Variants in MAGI3 observed in about 807,000 individuals in gnomAD.
MAGI3 encodes the protein membrane associated guanylate kinase, WW and PDZ domain containing 3.
A neutral mutation model predicts 121.8 loss-of-function variants in MAGI3; 43 were observed. That is an observed-to-expected ratio of 0.35 (90% CI 0.28 to 0.46). The LOEUF (loss-of-function observed/expected upper bound fraction) is 0.46. Among genes scored for constraint, MAGI3 ranks in the 20% least tolerant of loss-of-function variants. The pLI, the probability that MAGI3 is intolerant of heterozygous loss-of-function variation, is 1.00. For synonymous variants in MAGI3, 553 were observed against 639.3 expected (o/e 0.86, Z 2.04); for missense variants, 1,547 against 1,797.3 (o/e 0.86, Z 2.52).
At chr1:113,404,009 A>G (rs1360755707) in intron 1 of MAGI3, 1 of 151,628 alleles carries the variant, frequency 6.6e-6, no homozygotes, top group Non-Finnish European at 1.5e-5. Context: ...TCTTTTCATA[A>G]TGGCCTGTAG....
intron 1 of MAGI3, among the ~76,000 whole-genome samples, chr1:113,536,273 G>A (rs531701355): frequency 4.0e-5 from 6 of 151,638 alleles, no homozygotes; most frequent in Non-Finnish European, 8.8e-5. Flanking sequence ...AGAGATACAG[G>A]GTTTGCCACT....
At position 113,649,342 on chromosome 1, in the gene MAGI3, C is replaced by T. The variant is rs537611182; in HGVS notation, c.2247+14C>T. ...CCTGACCAGTCTGTAAGTGTCACTTCTTTGGAACATGGCTGTTTCCTGTTC... is the reference window on the plus strand; with the variant it reads ...CCTGACCAGTCTGTAAGTGTCACTTTTTTGGAACATGGCTGTTTCCTGTTC... On this transcript the variant is annotated intron_variant, in intron 13 of 20. Transcript: ENST00000307546. 50 of 1,571,130 alleles carry T rather than the reference C, an allele frequency of 3.2e-5. 2 individuals carry two copies. In the South Asian group the frequency reaches 5.0e-4, roughly 16 times the overall value.
chr1:113,413,891 C>T lies in MAGI3; in HGVS notation c.316+22542C>T, dbSNP rs562807255. On this transcript the variant is annotated intron_variant, in intron 1 of 20. Coordinates refer to ENST00000307546, the MANE Select transcript of MAGI3 (RefSeq NM_001142782.2). ...TTATTTCTTTCTCTTGCCTGATTAT[C>T]CTGGCCAGAACTTCCAACACTATGT... is the stretch of plus-strand genomic sequence containing the variant. 2.6e-5 allele frequency among the ~76,000 whole-genome samples: 4 copies of T among 152,232 alleles called. No homozygotes were observed. The South Asian group carries it at 8.3e-4, about 32-fold the overall frequency.
chr1:113,580,432 G>T, intron 2 of MAGI3, 110 bp from the exon 3 acceptor site: 2 of 894,170 alleles, frequency 2.2e-6, no homozygotes, highest in Non-Finnish European at 3.2e-6. Flanking sequence ...TGGGGCAGGG[G>T]AATGAAACAT....
intron 1 of MAGI3, among the ~76,000 whole-genome samples, chr1:113,409,178 C>CT (rs1258081716): frequency 1.5e-4 from 22 of 143,298 alleles, no homozygotes; most frequent in Admixed American, 5.6e-4. Context: ...TTTTTTTTTT[C>CT]TTTTTTTTTC....
intron 10 of MAGI3, among the ~76,000 whole-genome samples, chr1:113,642,845 T>C (rs71662839): frequency 6.6e-6 from 1 of 152,228 alleles, no homozygotes; most frequent in African/African-American, 2.4e-5. Context: ...CATTTCTCTG[T>C]TGATGACAGT....
chr1:113,560,203 T>C (rs1407907635), intron 2 of MAGI3, among the ~76,000 whole-genome samples: 1 of 151,864 alleles, frequency 6.6e-6, no homozygotes, highest in Non-Finnish European at 1.5e-5. Flanking sequence ...AAATTAGAAA[T>C]CAAGATTAAG....
At chr1:113,406,403 G>T (rs576346825) in intron 1 of MAGI3, among the ~76,000 whole-genome samples, 1 of 148,238 alleles carries the variant, frequency 6.7e-6, no homozygotes, top group African/African-American at 2.5e-5. Flanking sequence ...AATTATGATC[G>T]TGCTACTGTA....
intron 1 of MAGI3, among the ~76,000 whole-genome samples, chr1:113,419,795 G>A (rs1307478560): frequency 7.9e-5 from 12 of 152,190 alleles, no homozygotes. Context: ...AGAGGTCTAA[G>A]TGGGTATGGA....
chr1:113,535,097 G>A (rs1658902938), intron 1 of MAGI3, among the ~76,000 whole-genome samples: 1 of 152,112 alleles, frequency 6.6e-6, no homozygotes, highest in Non-Finnish European at 1.5e-5. Flanking sequence ...CTGGGATGGT[G>A]CTCAGCTTTC....
chr1:113,527,263 T>A (rs890851591), intron 1 of MAGI3, among the ~76,000 whole-genome samples: 1 of 151,744 alleles, frequency 6.6e-6, no homozygotes, highest in Non-Finnish European at 1.5e-5. Context: ...AGGGAGGAGG[T>A]CTGATGCATT....
intron 8 of MAGI3, among the ~76,000 whole-genome samples, chr1:113,620,879 C>G (rs1217194): frequency 0.38 from 58,160 of 151,958 alleles, 12,865 homozygotes; most frequent in African/African-American, 0.6. Flanking sequence ...AATAATGGTA[C>G]CCACCTTTTA....
chr1:113,599,741 T>C (rs542861032), intron 6 of MAGI3, among the ~76,000 whole-genome samples: 17 of 151,526 alleles, frequency 1.1e-4, no homozygotes, highest in East Asian at 3.9e-4. Context: ...ATCATCCTGA[T>C]ACCAAAGCTG....
At position 113,644,384 on chromosome 1, in the gene MAGI3, G is replaced by A. The variant is rs543594320; in HGVS notation, c.1998+610G>A. On this transcript the variant is annotated intron_variant, in intron 11 of 20. Coordinates refer to ENST00000307546, the MANE Select transcript of MAGI3 (RefSeq NM_001142782.2). ...CAACCTCCGCCTCCGGGGTTCAAGC[G>A]ATTCTCCTGCCTCAGCCTCCCAAGT... 3.7e-4 allele frequency among the ~76,000 whole-genome samples: 57 copies of A among 152,182 alleles called. 3 individuals carry two copies. The South Asian group carries it at 0.011, about 30-fold the overall frequency.
At chr1:113,612,986 A>C (rs937614275) in intron 6 of MAGI3, among the ~76,000 whole-genome samples, 1 of 152,138 alleles carries the variant, frequency 6.6e-6, no homozygotes. Context: ...ACTCAGCTCT[A>C]TTCAGTTCCC....
intron 14 of MAGI3, 59 bp downstream of exon 14, chr1:113,651,265 T>C (rs1156730189): frequency 1.4e-6 from 2 of 1,478,222 alleles, no homozygotes; most frequent in Non-Finnish European, 1.8e-6. Flanking sequence ...ACTAGTCTAC[T>C]TCCTGTGTAG....
intron 1 of MAGI3, among the ~76,000 whole-genome samples, chr1:113,403,313 G>A (rs568880605): frequency 4.6e-5 from 7 of 152,188 alleles, no homozygotes; most frequent in African/African-American, 1.2e-4. Context: ...TGTAACTGCT[G>A]GAAGTCTGGA....
At chr1:113,666,502 C>T (rs1312121722) in intron 16 of MAGI3, among the ~76,000 whole-genome samples, 1 of 152,216 alleles carries the variant, frequency 6.6e-6, no homozygotes, top group Non-Finnish European at 1.5e-5. Context: ...CATGAGATTA[C>T]AGCAATTCAG....
chr1:113,651,405 T>G (rs1653155696), intron 14 of MAGI3, among the ~76,000 whole-genome samples, 199 bp downstream of exon 14: 1 of 152,104 alleles, frequency 6.6e-6, no homozygotes, highest in African/African-American at 2.4e-5. Flanking sequence ...AAAAATAAAT[T>G]TTGGGCTTCT....
Sources: allele counts gnomAD v4.1 joint callset (sites outside exome capture counted in the v4.1 genomes callset), GRCh38; gene constraint gnomAD v4.1.1; transcripts MANE v1.5; gene names NCBI Gene and HGNC (gene_info 2026-07-23, HGNC 2026-07-21).